ZBTB45: variants seen among roughly 807,000 people sequenced by gnomAD.
ZBTB45 encodes zinc finger and BTB domain-containing protein 45.
In ZBTB45, 22 loss-of-function variants were observed where a neutral mutation model predicts 28.4. The ratio of observed to expected loss-of-function variants is 0.77; its 90% CI spans 0.55 to 1.10. ZBTB45 has a LOEUF of 1.10. ZBTB45 is among the 50% of genes least tolerant of loss of function. ZBTB45 has a pLI of 0.00. For synonymous variants in ZBTB45, 361 were observed against 332.3 expected, an observed-to-expected ratio of 1.09 and a Z score of -0.94; for missense variants, 656 against 750.2, an observed-to-expected ratio of 0.87 and a Z score of 1.47.
chr19:58,517,997 T>G (rs980151677), intron 1 of ZBTB45, among the ~76,000 whole-genome samples: 1 of 151,828 alleles, frequency 6.6e-6, no homozygotes, highest in Non-Finnish European at 1.5e-5. Context: ...CTACTCTATG[T>G]TGACTCACCC....
At position 58,515,703 on chromosome 19, in the gene ZBTB45, C is replaced by G. The variant is rs531922384; in HGVS notation, c.1279+692G>C. On this transcript the variant is annotated intron_variant, in intron 2 of 2. Coordinates refer to ENST00000594051, the MANE Select transcript of ZBTB45 (RefSeq NM_001316979.2). This position sits in a 1 kb window ranked among gnomAD's most constrained non-coding sequence, Gnocchi z 4.7. ...ACAATGCTCAGCAGGCTTCTGCTTT[C>G]CATTCCTTTGTCCTCCATCTCAGAG... 6.6e-6 allele frequency among the ~76,000 whole-genome samples: 1 copy of G among 152,300 alleles called. No homozygotes were observed. The highest frequency in any genetic ancestry group is 6.5e-5 in the Admixed American group (1 of 15,306).
Position 58,517,241 on chromosome 19 carries a change from C to T in ZBTB45, c.433G>A (p.Ala145Thr), listed in dbSNP as rs2053520376. 6.3e-7 allele frequency: 1 copy of T among 1,593,552 alleles called. No individual in the cohort carries two copies. The highest frequency in any genetic ancestry group is 8.5e-7 in the Non-Finnish European group (1 of 1,172,248). ...PLPTPVPPPL[A>T]PAQLRHRLRH... ...AGGCGGTGACGCAGCTGCGCAGGTG[C>T]GAGTGGCGGGGGCACAGGGGTGGGC... Residue 145 changes from alanine to threonine, a missense_variant, in exon 2 of 3, where the codon GCA becomes ACA. Ala to Thr is a moderately conservative substitution (Grantham distance 58). This residue lies in a region of ZBTB45 where 448 missense variants were observed against 444.3 expected (regional missense o/e 1.01). Coordinates refer to ENST00000594051, the MANE Select transcript of ZBTB45 (RefSeq NM_001316979.2).
intron 1 of ZBTB45, among the ~76,000 whole-genome samples, chr19:58,537,688 G>C (rs1600073295): frequency 6.6e-6 from 1 of 151,090 alleles, no homozygotes; most frequent in Non-Finnish European, 1.5e-5. Context: ...TTGTACCATA[G>C]TATTAATATT....
rs140420062 is a variant in ZBTB45, at chr19:58,517,433, G to T, written c.241C>A (p.Arg81=). The T allele has an allele frequency of 7.4e-6, 12 of 1,612,732 alleles. No individual in the cohort carries two copies. The highest frequency in any genetic ancestry group is 1.3e-5 in the African/African-American group (1 of 74,916). Residue 81 remains arginine, a synonymous_variant, in exon 2 of 3, where the codon CGA becomes AGA. Transcript: ENST00000594051. ...CTGTACAGGAACTCTACCAGCTGTC[G>T]CACTGTCTGCGCGGGCACCACCGGA... ...VPPVVPAQTV[R]QLVEFLYSGS...
intron 1 of ZBTB45, among the ~76,000 whole-genome samples, chr19:58,524,834 G>A (rs975384127): frequency 2.9e-4 from 43 of 150,276 alleles, no homozygotes; most frequent in Non-Finnish European, 4.9e-4. Context: ...AGTGAGCCGA[G>A]ATTGCGCCAC....
chr19:58,524,344 G>C (rs113863250), upstream of ZBTB45, among the ~76,000 whole-genome samples: 1 of 151,602 alleles, frequency 6.6e-6, no homozygotes, highest in Non-Finnish European at 1.5e-5. Context: ...CAGCCTGGGC[G>C]ACAAGAGCAA....
At chr19:58,537,007 G>A (rs892060804) in intron 1 of ZBTB45, among the ~76,000 whole-genome samples, 2 of 152,088 alleles carry the variant, frequency 1.3e-5, no homozygotes, top group Non-Finnish European at 2.9e-5. Context: ...CTGCTCTGCC[G>A]GGCCACCTGG....
chr19:58,529,101 A>AAAAAAAAAAAAAAAAAAAT (rs2053623102), intron 1 of ZBTB45, among the ~76,000 whole-genome samples: 1 of 150,886 alleles, frequency 6.6e-6, no homozygotes, highest in Non-Finnish European at 1.5e-5. Flanking sequence ...AAAAAAAAAA[A>AAAAAAAAAAAAAAAAAAAT]GACATTGATG....
At chr19:58,520,730 CTG>C (rs2053570045), upstream of ZBTB45, among the ~76,000 whole-genome samples, 1 of 152,170 alleles carries the variant, frequency 6.6e-6, no homozygotes, top group African/African-American at 2.4e-5. Context: ...TGCTGAGAAT[CTG>C]AGAAGAGCTG....
chr19:58,521,048 T>C (rs1328296288), upstream of ZBTB45, among the ~76,000 whole-genome samples: 2 of 44,982 alleles, frequency 4.4e-5, no homozygotes, highest in Non-Finnish European at 6.6e-5. Context: ...CGAGACTCCG[T>C]CTCAAAAAAA....
intron 1 of ZBTB45, among the ~76,000 whole-genome samples, chr19:58,531,265 A>G (rs1248629342): frequency 6.6e-6 from 1 of 152,110 alleles, no homozygotes; most frequent in Non-Finnish European, 1.5e-5. Context: ...GGCCATTTGT[A>G]TATGTTCTTT....
At chr19:58,535,019 C>T (rs903060425) in intron 1 of ZBTB45, among the ~76,000 whole-genome samples, 11 of 151,980 alleles carry the variant, frequency 7.2e-5, no homozygotes, top group Admixed American at 6.6e-4. Context: ...CCACACCCAG[C>T]TAATTTTTGT....
intron 1 of ZBTB45, among the ~76,000 whole-genome samples, chr19:58,535,409 T>C (rs972255054): frequency 6.6e-6 from 1 of 151,700 alleles, no homozygotes; most frequent in Non-Finnish European, 1.5e-5. Flanking sequence ...CTGAGGCAGG[T>C]GGATCACCTG....
upstream of ZBTB45, among the ~76,000 whole-genome samples, chr19:58,524,433 A>G (rs868423880): frequency 3.2e-4 from 36 of 111,792 alleles, no homozygotes; most frequent in African/African-American, 6.2e-4. Context: ...GTGTGTTCAT[A>G]TATGTGTGTG....
chr19:58,524,489 C>T (rs1174879927), upstream of ZBTB45, among the ~76,000 whole-genome samples: 1 of 129,350 alleles, frequency 7.7e-6, no homozygotes, highest in Non-Finnish European at 1.6e-5. Context: ...ACCCAAAGAC[C>T]TTAACCCTGG....
chr19:58,526,635 C>G (rs1385395758), intron 1 of ZBTB45, among the ~76,000 whole-genome samples: 9 of 140,914 alleles, frequency 6.4e-5, no homozygotes, highest in Non-Finnish European at 1.4e-4. Context: ...GGGTTCACGC[C>G]ATTCTCCTGC....
At chr19:58,538,188 C>T (rs1001006526) in intron 1 of ZBTB45, among the ~76,000 whole-genome samples, 75 of 152,072 alleles carry the variant, frequency 4.9e-4, no homozygotes, top group Non-Finnish European at 3.1e-4. Context: ...GCACTGCCAG[C>T]ACCAACTTTT....
intron 1 of ZBTB45, among the ~76,000 whole-genome samples, chr19:58,532,155 T>C (rs931335283): frequency 6.6e-6 from 1 of 152,034 alleles, no homozygotes; most frequent in Non-Finnish European, 1.5e-5. Context: ...CTCTGAACAG[T>C]CCCTTCTACT....
intron 1 of ZBTB45, chr19:58,519,013 G>C (rs914921678): frequency 2.6e-5 from 4 of 152,238 alleles, no homozygotes; most frequent in African/African-American, 9.7e-5. Flanking sequence ...AGACCACTTC[G>C]AGCACCTCCA....
Sources: allele counts gnomAD v4.1 joint callset (sites outside exome capture counted in the v4.1 genomes callset), GRCh38; gene constraint gnomAD v4.1.1; regional missense constraint gnomAD v4.1.1; non-coding constraint Gnocchi (gnomAD v3.1); transcripts MANE v1.5; gene names NCBI Gene and HGNC (gene_info 2026-07-23, HGNC 2026-07-21).